Variants in RANBP2 observed in about 807,000 individuals in gnomAD.
RANBP2 encodes the protein E3 SUMO-protein ligase RanBP2.
RANBP2 carries 57 observed loss-of-function variants against 303.6 expected under a neutral mutation model. That is an observed-to-expected ratio of 0.19 (90% confidence interval 0.15 to 0.23). The LOEUF is 0.23. Ranked by LOEUF, RANBP2 falls within the 10% of genes least tolerant of loss-of-function variation. The probability of loss-of-function intolerance (pLI) is 1.00; values close to 1 mark genes in which losing one functional copy is unlikely to be tolerated. For missense variants in RANBP2, 3,138 were observed against 3,780.8 expected (o/e 0.83, Z 4.46); for synonymous variants, 1,167 against 1,301.5 (o/e 0.90, Z 2.23).
chr2:109,059,234 C>T, the RANBP2 span, among the ~76,000 whole-genome samples: 2 of 152,044 alleles, frequency 1.3e-5, no homozygotes, highest in African/African-American at 4.8e-5. Flanking sequence ...ATGGGGTGGC[C>T]TAGAGAATGT....
chr2:109,406,726 C>T, the RANBP2 span, among the ~76,000 whole-genome samples: 1 of 152,268 alleles, frequency 6.6e-6, no homozygotes, highest in South Asian at 2.1e-4. Flanking sequence ...TTACTGAGCC[C>T]ATTACAGAAA....
At chr2:109,240,824 C>G in the RANBP2 span, among the ~76,000 whole-genome samples, 1 of 151,972 alleles carries the variant, frequency 6.6e-6, no homozygotes, top group East Asian at 1.9e-4. Context: ...TTACTTCTTC[C>G]TACTGGACTC....
At chr2:109,529,675 G>A in the RANBP2 span, among the ~76,000 whole-genome samples, 5 of 152,234 alleles carry the variant, frequency 3.3e-5, no homozygotes, top group African/African-American at 9.6e-5. Context: ...AACTGTGGAA[G>A]GCGTTGAGGG....
At chr2:108,901,037 G>A in the RANBP2 span, among the ~76,000 whole-genome samples, 34 of 152,162 alleles carry the variant, frequency 2.2e-4, no homozygotes, top group Non-Finnish European at 4.7e-4. Flanking sequence ...CAACCAACAC[G>A]ATCTAATCAA....
the RANBP2 span, among the ~76,000 whole-genome samples, chr2:109,216,321 T>A: frequency 2.0e-5 from 3 of 152,234 alleles, no homozygotes; most frequent in Admixed American, 6.5e-5. Context: ...CTCAGCTTAG[T>A]GATCCCACCT....
chr2:109,690,157 C>T, the RANBP2 span, among the ~76,000 whole-genome samples: 1,338 of 152,238 alleles, frequency 8.8e-3, 19 homozygotes, highest in Non-Finnish European at 0.012. Context: ...AGGATGCATG[C>T]CAGTGACACA....
the RANBP2 span, among the ~76,000 whole-genome samples, chr2:109,397,469 T>C: frequency 6.6e-6 from 1 of 152,204 alleles, no homozygotes; most frequent in African/African-American, 2.4e-5. Context: ...CTCTGCTTTA[T>C]TCTTTCAAAT....
the RANBP2 span, among the ~76,000 whole-genome samples, chr2:109,606,981 T>C: frequency 5.1e-4 from 77 of 152,330 alleles, no homozygotes; most frequent in African/African-American, 1.6e-3. Flanking sequence ...TAGTGAAGAA[T>C]TGAAAGGCTT....
At chr2:108,741,798 C>CCT (rs1696119506) in intron 7 of RANBP2, among the ~76,000 whole-genome samples, 1 of 143,820 alleles carries the variant, frequency 7.0e-6, no homozygotes, top group Non-Finnish European at 1.5e-5. Context: ...AGGCGTGAGC[C>CCT]ACCACACCCA....
At chr2:109,484,667 C>T in the RANBP2 span, among the ~76,000 whole-genome samples, 4 of 152,154 alleles carry the variant, frequency 2.6e-5, no homozygotes, top group African/African-American at 9.7e-5. Flanking sequence ...TATTTTTCCC[C>T]TCTTAAATTA....
At chr2:109,310,751 A>G in the RANBP2 span, among the ~76,000 whole-genome samples, 1 of 92,056 alleles carries the variant, frequency 1.1e-5, no homozygotes, top group Non-Finnish European at 1.9e-5. Context: ...GAAGAAATGG[A>G]TAAATTCCTC....
At chr2:109,082,395 G>A in the RANBP2 span, among the ~76,000 whole-genome samples, 1 of 151,944 alleles carries the variant, frequency 6.6e-6, no homozygotes, top group Non-Finnish European at 1.5e-5. Context: ...CCGCTTCCCG[G>A]GTTCACACCA....
the RANBP2 span, among the ~76,000 whole-genome samples, chr2:109,176,703 C>G: frequency 6.6e-6 from 1 of 152,120 alleles, no homozygotes; most frequent in African/African-American, 2.4e-5. Flanking sequence ...TGTCACCGCA[C>G]TCTAGCCTGG....
At chr2:109,446,771 CTT>C in the RANBP2 span, among the ~76,000 whole-genome samples, 71,037 of 151,716 alleles carry the variant, frequency 0.47, 18,145 homozygotes, top group Non-Finnish European at 0.55. Flanking sequence ...CACTCCCTCT[CTT>C]CTTTGGTGCC....
chr2:109,452,904 G>T, the RANBP2 span, among the ~76,000 whole-genome samples: 1 of 147,022 alleles, frequency 6.8e-6, no homozygotes, highest in Admixed American at 6.7e-5. Flanking sequence ...GGCTGGTCCC[G>T]GGAGGCTGGT....
At chr2:108,840,309 C>T in the RANBP2 span, among the ~76,000 whole-genome samples, 3 of 151,916 alleles carry the variant, frequency 2.0e-5, no homozygotes, top group East Asian at 5.8e-4. Context: ...TAGTTTTGAA[C>T]TCTCTTTGGT....
chr2:108,721,576 GACCACA>G (rs1174416711), intron 1 of RANBP2, among the ~76,000 whole-genome samples: 1 of 152,038 alleles, frequency 6.6e-6, no homozygotes, highest in African/African-American at 2.4e-5. Context: ...GAGTAGTTGG[GACCACA>G]GGTGTACCCA....
the RANBP2 span, among the ~76,000 whole-genome samples, chr2:109,142,047 G>A: frequency 6.6e-6 from 1 of 151,150 alleles, no homozygotes; most frequent in East Asian, 1.9e-4. Flanking sequence ...GTCTCCTGGG[G>A]GGGGGGTCTC....
chr2:108,940,798 C>T, the RANBP2 span, among the ~76,000 whole-genome samples: 1 of 152,224 alleles, frequency 6.6e-6, no homozygotes, highest in African/African-American at 2.4e-5. Flanking sequence ...TCCCCAAGAA[C>T]CTACAAGTTG....
Sources: allele counts gnomAD v4.1 joint callset (sites outside exome capture counted in the v4.1 genomes callset), GRCh38; gene constraint gnomAD v4.1.1; transcripts MANE v1.5; gene names NCBI Gene and HGNC (gene_info 2026-07-23, HGNC 2026-07-21).